Variants in MTF2 observed in about 807,000 individuals in gnomAD.
MTF2 encodes the protein metal-response element-binding transcription factor 2.
A neutral mutation model predicts 79.5 loss-of-function variants in MTF2; 11 were observed. That is an observed-to-expected ratio of 0.14 (90% CI 0.09 to 0.23). The LOEUF is 0.23. Ranked by LOEUF, MTF2 falls within the 10% of genes least tolerant of loss-of-function variation. The pLI, the probability that MTF2 is intolerant of heterozygous loss-of-function variation, is 1.00. For synonymous variants in MTF2, 208 were observed against 232.8 expected (o/e 0.89, Z 0.97); for missense variants, 486 against 711.2 (o/e 0.68, Z 3.60).
intron 1 of MTF2, among the ~76,000 whole-genome samples, chr1:93,106,250 G>A (rs1243892523): frequency 2.6e-5 from 4 of 152,230 alleles, no homozygotes; most frequent in Non-Finnish European, 4.4e-5. Context: ...GAGTAGTACA[G>A]TGGAGAGTAA....
intron 9 of MTF2, among the ~76,000 whole-genome samples, chr1:93,125,778 A>G (rs963800256): frequency 1.3e-5 from 2 of 152,040 alleles, no homozygotes; most frequent in African/African-American, 4.8e-5. Context: ...TATAGCTATT[A>G]AACATTTTAA....
intron 11 of MTF2, among the ~76,000 whole-genome samples, chr1:93,132,339 A>G (rs1235531989): frequency 6.7e-6 from 1 of 149,224 alleles, no homozygotes; most frequent in Non-Finnish European, 1.5e-5. Flanking sequence ...AGTTGCCCAT[A>G]TTATGAATCA....
At chr1:93,129,033 A>G in intron 10 of MTF2, 1 of 306,368 alleles carries the variant, frequency 3.3e-6, no homozygotes, top group Non-Finnish European at 5.9e-6. Context: ...GTTAGTTGCC[A>G]TGTTTAAAAA....
chr1:93,118,725 A>G (rs1385038823), intron 7 of MTF2, among the ~76,000 whole-genome samples: 1 of 152,206 alleles, frequency 6.6e-6, no homozygotes, highest in East Asian at 1.9e-4. Flanking sequence ...CCTCAAAGGG[A>G]TAGTATTAGA....
intron 9 of MTF2, among the ~76,000 whole-genome samples, chr1:93,123,525 G>T (rs1656571955): frequency 1.3e-5 from 2 of 152,110 alleles, no homozygotes; most frequent in Middle Eastern, 3.4e-3. Context: ...ATTTTGTAAT[G>T]ATATAAGTTG....
At position 93,110,530 on chromosome 1, in the gene MTF2, T is replaced by C; in HGVS notation, c.205-15T>C. 6.2e-7 allele frequency: 1 copy of C among 1,607,010 alleles called. No homozygotes were observed. The highest frequency in any genetic ancestry group is 8.5e-7 in the Non-Finnish European group (1 of 1,174,302). ...ATTTTAAGAGATCACCGTTAAGTAT[T>C]TCTCTGTATTGCAGATAAACATATT... On this transcript the variant is annotated splice_polypyrimidine_tract_variant and intron_variant, in intron 2 of 14. Transcript: ENST00000370298.
At chr1:93,107,175 T>C (rs1655829303) in intron 1 of MTF2, among the ~76,000 whole-genome samples, 1 of 152,286 alleles carries the variant, frequency 6.6e-6, no homozygotes, top group Non-Finnish European at 1.5e-5. Flanking sequence ...GTAAAAAATA[T>C]AAACACACAC....
chr1:93,088,798 C>G (rs1014154299), intron 1 of MTF2, among the ~76,000 whole-genome samples: 1 of 152,104 alleles, frequency 6.6e-6, no homozygotes, highest in African/African-American at 2.4e-5. Context: ...AACTCCTGAC[C>G]TCAAGTGATC....
At chr1:93,093,485 G>A (rs1655156729) in intron 1 of MTF2, among the ~76,000 whole-genome samples, 1 of 152,124 alleles carries the variant, frequency 6.6e-6, no homozygotes, top group Non-Finnish European at 1.5e-5. Context: ...CCTGCTGCAT[G>A]GAAGTTGTCT....
intron 11 of MTF2, 46 bp from the exon 12 acceptor site, chr1:93,133,657 G>A (rs367602554): frequency 7.4e-7 from 1 of 1,355,958 alleles, no homozygotes; most frequent in Non-Finnish European, 1.0e-6. Context: ...CAATGTCTTT[G>A]TTTTCTTTAT....
At position 93,121,655 on chromosome 1, in the gene MTF2, A is replaced by G. The variant is rs546991800; in HGVS notation, c.921+983A>G. 4.1e-5 allele frequency: 40 copies of G among 965,274 alleles called. No homozygotes were observed. In the East Asian group the frequency reaches 4.0e-3, roughly 97 times the overall value. 59.8% of individuals were successfully genotyped at this position (965,274 alleles called of 1,614,324 possible). ...AAATCTAGGATATTATTGAAATTCAATTGATGAATTTTTGAATTCATCATT... is the reference window on the plus strand; with the variant it reads ...AAATCTAGGATATTATTGAAATTCAGTTGATGAATTTTTGAATTCATCATT... On this transcript the variant is annotated intron_variant, in intron 9 of 14. Coordinates refer to ENST00000370298, the MANE Select transcript of MTF2 (RefSeq NM_007358.4).
At chr1:93,127,391 A>G (rs2101086664) in intron 10 of MTF2, 92 bp downstream of exon 10, 1 of 822,412 alleles carries the variant, frequency 1.2e-6, no homozygotes, top group Non-Finnish European at 2.0e-6. Context: ...GGATTGATGT[A>G]CAGAAGAAGT....
At chr1:93,082,363 C>G (rs1571209679) in intron 1 of MTF2, among the ~76,000 whole-genome samples, 1 of 151,814 alleles carries the variant, frequency 6.6e-6, no homozygotes, top group African/African-American at 2.4e-5. Flanking sequence ...TTGCTGCTGC[C>G]TCAGACTCTT....
At chr1:93,128,146 T>A (rs1241949016) in intron 10 of MTF2, among the ~76,000 whole-genome samples, 2 of 152,178 alleles carry the variant, frequency 1.3e-5, no homozygotes, top group South Asian at 2.1e-4. Context: ...GCAGTTATTG[T>A]GCTGGTAAAA....
chr1:93,081,514 TCGA>T (rs948458405), intron 1 of MTF2, among the ~76,000 whole-genome samples: 13 of 152,338 alleles, frequency 8.5e-5, no homozygotes, highest in East Asian at 7.7e-4. Context: ...TTTTAGTTAG[TCGA>T]CACTTCCATG....
chr1:93,090,023 C>T (rs1655009315), intron 1 of MTF2, among the ~76,000 whole-genome samples: 1 of 152,050 alleles, frequency 6.6e-6, no homozygotes, highest in Non-Finnish European at 1.5e-5. Flanking sequence ...GTCCCCCGGG[C>T]TGGAGCGCGG....
chr1:93,080,241 G>A (rs1654547693), intron 1 of MTF2, among the ~76,000 whole-genome samples: 1 of 152,148 alleles, frequency 6.6e-6, no homozygotes, highest in South Asian at 2.1e-4. Flanking sequence ...ATGTAGATTT[G>A]TATTGTATTC....
intron 1 of MTF2, among the ~76,000 whole-genome samples, chr1:93,095,100 G>C (rs752340619): frequency 1.3e-5 from 2 of 151,960 alleles, no homozygotes; most frequent in Non-Finnish European, 2.9e-5. Context: ...TGCCATTATA[G>C]CTCACTGCTG....
intron 1 of MTF2, among the ~76,000 whole-genome samples, chr1:93,093,006 T>A (rs1448734152): frequency 6.6e-6 from 1 of 151,770 alleles, no homozygotes; most frequent in Non-Finnish European, 1.5e-5. Context: ...CACGGTGAAA[T>A]CCTGTCTCTA....
Sources: allele counts gnomAD v4.1 joint callset (sites outside exome capture counted in the v4.1 genomes callset), GRCh38; gene constraint gnomAD v4.1.1; transcripts MANE v1.5; gene names NCBI Gene and HGNC (gene_info 2026-07-23, HGNC 2026-07-21).